SUGCT: variants seen among roughly 807,000 people sequenced by gnomAD.
SUGCT encodes succinyl-CoA:glutarate CoA-transferase.
A neutral mutation model predicts 55.0 loss-of-function variants in SUGCT; 41 were observed. That is an observed-to-expected ratio of 0.74 (90% CI 0.58 to 0.97). The LOEUF (loss-of-function observed/expected upper bound fraction) is 0.97, where lower values mean the gene tolerates loss of function less well. SUGCT is among the 50% of genes least tolerant of loss of function. The pLI is 0.00. For missense variants in SUGCT, 568 were observed against 547.8 expected, an observed-to-expected ratio of 1.04 and a Z score of -0.37; for synonymous variants, 187 against 200.4, an observed-to-expected ratio of 0.93 and a Z score of 0.56.
chr7:40,401,861 T>C (rs187513547), intron 9 of SUGCT, among the ~76,000 whole-genome samples: 9 of 152,330 alleles, frequency 5.9e-5, no homozygotes, highest in Non-Finnish European at 1.2e-4. Flanking sequence ...AATTTTTGGA[T>C]AGTCTTGTTT....
chr7:40,468,756 T>C (rs1302204063), intron 11 of SUGCT, among the ~76,000 whole-genome samples: 14 of 152,178 alleles, frequency 9.2e-5, no homozygotes. Flanking sequence ...GTCTGTATAC[T>C]CTTAAGTTTC....
chr7:40,250,828 C>CTTTTTTTT (rs67372014), intron 7 of SUGCT, among the ~76,000 whole-genome samples: 1 of 121,266 alleles, frequency 8.2e-6, no homozygotes, highest in African/African-American at 3.7e-5. Context: ...TTTCACGCTT[C>CTTTTTTTT]TTTTTTTTTT....
chr7:40,957,556 C>G, the SUGCT span, among the ~76,000 whole-genome samples: 6 of 148,530 alleles, frequency 4.0e-5, no homozygotes, highest in Admixed American at 4.1e-4. Context: ...TGAAATGGCT[C>G]TCCTGAATAC....
At chr7:40,425,055 A>G (rs1254084755) in intron 9 of SUGCT, among the ~76,000 whole-genome samples, 2 of 152,054 alleles carry the variant, frequency 1.3e-5, no homozygotes, top group Admixed American at 6.6e-5. Context: ...GTTCTCAGAA[A>G]CTCATGTAGT....
intron 12 of SUGCT, among the ~76,000 whole-genome samples, chr7:40,696,080 A>G (rs1317130170): frequency 6.6e-6 from 1 of 152,164 alleles, no homozygotes; most frequent in African/African-American, 2.4e-5. Flanking sequence ...CTAATAGCAT[A>G]TGTCTAGTGG....
the SUGCT span, among the ~76,000 whole-genome samples, chr7:40,922,716 C>T: frequency 6.6e-6 from 1 of 152,180 alleles, no homozygotes; most frequent in Non-Finnish European, 1.5e-5. Context: ...TGAAAGGTGC[C>T]CTTGACAGTT....
chr7:40,918,305 A>G, the SUGCT span, among the ~76,000 whole-genome samples: 1 of 152,038 alleles, frequency 6.6e-6, no homozygotes, highest in Non-Finnish European at 1.5e-5. Context: ...TACTAAAAAT[A>G]CAAACATTAG....
At chr7:40,334,371 T>C (rs1390280277) in intron 9 of SUGCT, among the ~76,000 whole-genome samples, 1 of 152,212 alleles carries the variant, frequency 6.6e-6, no homozygotes, top group Non-Finnish European at 1.5e-5. Context: ...CCACCAACAG[T>C]GTAAAAGTGT....
At chr7:40,737,609 C>G (rs1787230617) in intron 12 of SUGCT, among the ~76,000 whole-genome samples, 1 of 152,076 alleles carries the variant, frequency 6.6e-6, no homozygotes, top group African/African-American at 2.4e-5. Context: ...TGTGGGGAAC[C>G]AAGAAAGTTT....
rs113484552 is a variant in SUGCT, at chr7:40,561,650, C to T, written c.1089+65264C>T. Among the ~76,000 whole-genome samples the T allele has an allele frequency of 6.7e-3, 1,002 of 148,936 alleles. 16 individuals are homozygous for T. The highest frequency in any genetic ancestry group is 0.023 in the African/African-American group (929 of 40,334). On this transcript the variant is annotated intron_variant, in intron 12 of 13. Transcript: ENST00000335693. ...CAACAGACCTGTGGGGAGGGGTTCA[C>T]GGATGATTCGCCAGAGGTGGAGATG...
chr7:40,501,914 CA>C (rs1332407864), intron 12 of SUGCT, among the ~76,000 whole-genome samples: 3 of 151,784 alleles, frequency 2.0e-5, no homozygotes, highest in Admixed American at 2.0e-4. Flanking sequence ...TAAAATCTGA[CA>C]AAAAAAATTT....
chr7:40,957,447 CTTTTTTTTT>C, the SUGCT span, among the ~76,000 whole-genome samples: 315 of 76,118 alleles, frequency 4.1e-3, 4 homozygotes, highest in East Asian at 0.057. Flanking sequence ...GCAACCCCTG[CTTTTTTTTT>C]TTTTTTTTTT....
chr7:40,940,673 T>G, the SUGCT span, among the ~76,000 whole-genome samples: 1 of 151,262 alleles, frequency 6.6e-6, no homozygotes, highest in African/African-American at 2.4e-5. Flanking sequence ...TTGATTTCAT[T>G]CTCAGATTGG....
At chr7:40,895,128 T>C in the SUGCT span, among the ~76,000 whole-genome samples, 26 of 152,046 alleles carry the variant, frequency 1.7e-4, no homozygotes, top group African/African-American at 5.6e-4. Context: ...TATGTAGCCA[T>C]AAAAAAGAAT....
At chr7:40,927,137 A>G in the SUGCT span, among the ~76,000 whole-genome samples, 3 of 152,252 alleles carry the variant, frequency 2.0e-5, no homozygotes, top group Non-Finnish European at 4.4e-5. Context: ...CAAATTAACC[A>G]ATCTCACATA....
In SUGCT at chr7:40,316,764, CGT is replaced by C; in HGVS notation, c.728_729del (p.Cys243PhefsTer32). 6.3e-7 allele frequency: 1 copy of C among 1,590,452 alleles called. No individual in the cohort carries two copies. Among genetic ancestry groups the C allele is most frequent in the East Asian group, 2.3e-5 (1 of 44,348 alleles). The stretch of plus-strand genomic sequence containing the variant: ...ATTTACTTTTTTTCCTGGTAGGTGG[CGT>C]GTTTGTCTCACATAGCTGCAAATTA... On this transcript the variant is annotated frameshift_variant, in exon 9 of 14. Transcript: ENST00000335693. LOFTEE classifies it high-confidence loss of function.
intron 7 of SUGCT, among the ~76,000 whole-genome samples, chr7:40,244,629 T>C (rs1789689159): frequency 6.6e-6 from 1 of 152,186 alleles, no homozygotes; most frequent in African/African-American, 2.4e-5. Flanking sequence ...TCCTTAGATA[T>C]TTATCTCCTC....
intron 12 of SUGCT, among the ~76,000 whole-genome samples, chr7:40,521,906 T>C (rs1793552269): frequency 6.6e-6 from 1 of 152,072 alleles, no homozygotes; most frequent in Admixed American, 6.6e-5. Flanking sequence ...TAGATGTGAG[T>C]TCACCAAAGC....
chr7:40,964,907 C>A, the SUGCT span: 4 of 152,188 alleles, frequency 2.6e-5, no homozygotes, highest in African/African-American at 9.7e-5. Flanking sequence ...TCCTTGTCCC[C>A]ACTGAAAAGG....
Sources: gnomAD v4.1 joint callset for allele counts (sites outside exome capture counted in the v4.1 genomes callset) on GRCh38, gnomAD v4.1.1 for gene constraint, MANE v1.5 for transcripts, NCBI Gene and HGNC (gene_info 2026-07-23, HGNC 2026-07-21) for gene names.